Variants in PCDH11X observed in about 807,000 individuals in gnomAD.
The protein encoded by PCDH11X is protocadherin-11 X-linked.
In PCDH11X, 18 loss-of-function variants were observed where a neutral mutation model predicts 53.3. The ratio of observed to expected loss-of-function variants is 0.34; its 90% CI spans 0.23 to 0.50. The LOEUF (loss-of-function observed/expected upper bound fraction) is 0.50, where lower values mean the gene tolerates loss of function less well. Among genes scored for constraint, PCDH11X ranks in the 20% least tolerant of loss-of-function variants. The pLI is 0.98. For missense variants in PCDH11X, 570 were observed against 1,032.4 expected (o/e 0.55, Z 6.14); for synonymous variants, 279 against 393.3 (o/e 0.71, Z 3.44).
intron 8 of PCDH11X, among the ~76,000 whole-genome samples, chrX:92,264,980 G>A (rs1221085938): frequency 1.9e-5 from 2 of 105,972 alleles, no homozygotes; most frequent in East Asian, 3.0e-4. Flanking sequence ...AGGTTATGAC[G>A]TTAAAAATCT....
intron 10 of PCDH11X, among the ~76,000 whole-genome samples, chrX:92,580,819 G>A (rs974529334): frequency 3.6e-5 from 4 of 111,383 alleles, no homozygotes; most frequent in African/African-American, 9.8e-5. Flanking sequence ...ATGATTTCCC[G>A]AGTTCGGTAA....
chrX:92,326,439 A>G (rs1420918896), intron 8 of PCDH11X, among the ~76,000 whole-genome samples: 2 of 102,010 alleles, frequency 2.0e-5, no homozygotes, highest in African/African-American at 3.7e-5. Flanking sequence ...ATTCAAGGGG[A>G]ACATGGATAT....
chrX:92,245,654 A>G (rs1304375128), intron 7 of PCDH11X, among the ~76,000 whole-genome samples: 1 of 111,961 alleles, frequency 8.9e-6, no homozygotes, highest in African/African-American at 3.2e-5. Context: ...GAAATGGTGT[A>G]GGAGACAAAA....
At chrX:91,870,241 AATCTGAGTGCAC>A (rs1200919482) in intron 5 of PCDH11X, among the ~76,000 whole-genome samples, 1 of 111,786 alleles carries the variant, frequency 8.9e-6, no homozygotes, top group Non-Finnish European at 1.9e-5. Flanking sequence ...AAGACATTTC[AATCTGAGTGCAC>A]ATTCCAAATA....
chrX:92,437,893 G>C (rs752070857), intron 9 of PCDH11X, among the ~76,000 whole-genome samples: 103 of 110,992 alleles, frequency 9.3e-4, no homozygotes, highest in Admixed American at 3.4e-3. Flanking sequence ...ACAGCTATAG[G>C]TAACAAGACA....
intron 8 of PCDH11X, among the ~76,000 whole-genome samples, chrX:92,376,261 T>C (rs886418487): frequency 1.8e-5 from 2 of 112,120 alleles, no homozygotes; most frequent in Non-Finnish European, 3.8e-5. Context: ...TCCCGTCTTT[T>C]ATGACCAGTT....
At chrX:92,612,382 G>A (rs62600866) in intron 10 of PCDH11X, among the ~76,000 whole-genome samples, 22,432 of 108,362 alleles carry the variant, frequency 0.21, 2,278 homozygotes, top group Non-Finnish European at 0.3. Flanking sequence ...TCTATTTTGT[G>A]TGCACAGAGG....
chrX:92,399,729 T>C (rs1228911851), intron 9 of PCDH11X, among the ~76,000 whole-genome samples: 4 of 102,688 alleles, frequency 3.9e-5, no homozygotes, highest in Non-Finnish European at 7.6e-5. Flanking sequence ...AATCCACACA[T>C]CTTATTTGTA....
intron 8 of PCDH11X, among the ~76,000 whole-genome samples, chrX:92,305,338 A>T (rs2068802710): frequency 9.2e-6 from 1 of 108,682 alleles, no homozygotes; most frequent in Non-Finnish European, 1.9e-5. Flanking sequence ...GCAAGACAAG[A>T]TCAAGGTGCC....
At chrX:92,226,595 A>G (rs1378161047) in intron 7 of PCDH11X, among the ~76,000 whole-genome samples, 1 of 112,037 alleles carries the variant, frequency 8.9e-6, no homozygotes, top group Non-Finnish European at 1.9e-5. Context: ...AACTGCTTAA[A>G]GAAAAGCAGG....
intron 8 of PCDH11X, among the ~76,000 whole-genome samples, chrX:92,268,519 T>C (rs12556087): frequency 0.07 from 7,767 of 110,782 alleles, 471 homozygotes; most frequent in East Asian, 0.27. Context: ...GTGTAATTAG[T>C]ATTATGAAAA....
chrX:91,794,288 A>G (rs1453956143), intron 1 of PCDH11X, among the ~76,000 whole-genome samples: 3 of 112,014 alleles, frequency 2.7e-5, no homozygotes, highest in Non-Finnish European at 5.6e-5. Flanking sequence ...CAAATGAAGA[A>G]TTGAGCTAGT....
intron 6 of PCDH11X, among the ~76,000 whole-genome samples, chrX:92,111,454 A>C (rs1259658318): frequency 1.8e-5 from 2 of 109,302 alleles, no homozygotes; most frequent in African/African-American, 6.7e-5. Flanking sequence ...TTAAATAAAA[A>C]TGTAATGCTA....
intron 4 of PCDH11X, among the ~76,000 whole-genome samples, chrX:91,828,758 G>A (rs2524426): frequency 1.1e-3 from 126 of 111,588 alleles, no homozygotes; most frequent in African/African-American, 3.8e-3. Flanking sequence ...CTCCAAAGTC[G>A]TCTTAATAGG....
chrX:91,953,581 G>T (rs1196465782), intron 6 of PCDH11X, among the ~76,000 whole-genome samples: 3 of 110,423 alleles, frequency 2.7e-5, no homozygotes, highest in African/African-American at 1.0e-4. Context: ...TCTCATTAGA[G>T]GTCTAACCAC....
At chrX:92,176,528 G>A (rs1175250818) in intron 6 of PCDH11X, among the ~76,000 whole-genome samples, 1 of 111,892 alleles carries the variant, frequency 8.9e-6, no homozygotes, top group East Asian at 2.8e-4. Flanking sequence ...AATTTTATAC[G>A]TTAACCCTTG....
In PCDH11X at chrX:92,273,798, C is replaced by T. The variant is rs1405858886; in HGVS notation, c.3144+10655C>T. On this transcript the variant is annotated intron_variant, in intron 8 of 10. Transcript: ENST00000682573. ...TGAACTGAAAAACTAAATGGAATAA[C>T]AAAAGGAGAAAAACAGGTATAAAAG... 4.5e-5 allele frequency among the ~76,000 whole-genome samples: 5 copies of T among 111,110 alleles called. No homozygotes were observed. In the Admixed American group the frequency reaches 4.8e-4, roughly 11 times the overall value.
chrX:92,012,965 T>G (rs1323784003), intron 6 of PCDH11X, among the ~76,000 whole-genome samples: 2 of 111,824 alleles, frequency 1.8e-5, no homozygotes, highest in East Asian at 5.7e-4. Flanking sequence ...CTTTGAAAAC[T>G]GGCACAAGAC....
At chrX:92,237,039 A>G (rs1316260816) in intron 7 of PCDH11X, among the ~76,000 whole-genome samples, 1 of 111,433 alleles carries the variant, frequency 9.0e-6, no homozygotes, top group Non-Finnish European at 1.9e-5. Flanking sequence ...TGTTGAAGAA[A>G]AAAAGACACC....
Sources: allele counts gnomAD v4.1 joint callset (sites outside exome capture counted in the v4.1 genomes callset), GRCh38; gene constraint gnomAD v4.1.1; transcripts MANE v1.5; gene names NCBI Gene and HGNC (gene_info 2026-07-23, HGNC 2026-07-21).